The following MYO5A variants were observed in gnomAD, a reference collection of about 807,000 sequenced individuals.
MYO5A encodes the protein unconventional myosin-Va.
Under a neutral mutation model 249.7 loss-of-function variants are expected in MYO5A, and 98 were observed. The ratio of observed to expected loss-of-function variants is 0.39; its 90% CI spans 0.33 to 0.46. The LOEUF is 0.46. Among genes scored for constraint, MYO5A ranks in the 20% least tolerant of loss-of-function variants. The pLI, the probability that MYO5A is intolerant of heterozygous loss-of-function variation, is 0.98. For missense variants in MYO5A, 1,696 were observed against 2,308.8 expected (o/e 0.73, Z 5.44); for synonymous variants, 778 against 810.6 (o/e 0.96, Z 0.68).
intron 4 of MYO5A, among the ~76,000 whole-genome samples, chr15:52,422,605 A>G (rs1534200): frequency 0.39 from 59,772 of 152,068 alleles, 13,309 homozygotes; most frequent in East Asian, 0.7. Context: ...TACCACCTCC[A>G]CTAATTAAAT....
intron 4 of MYO5A, among the ~76,000 whole-genome samples, chr15:52,420,162 G>A (rs187156122): frequency 6.6e-6 from 1 of 152,130 alleles, no homozygotes; most frequent in East Asian, 1.9e-4. Context: ...AAAATTAGCT[G>A]GGCATCACTG....
chr15:52,394,792 T>C (rs1326618616), intron 11 of MYO5A, among the ~76,000 whole-genome samples: 1 of 152,134 alleles, frequency 6.6e-6, no homozygotes, highest in Non-Finnish European at 1.5e-5. Context: ...TGAAAGGCTG[T>C]GGCATTAACT....
At chr15:52,450,337 G>A (rs2075989088) in intron 1 of MYO5A, among the ~76,000 whole-genome samples, 1 of 151,602 alleles carries the variant, frequency 6.6e-6, no homozygotes, top group South Asian at 2.1e-4. Flanking sequence ...GTTGATATGT[G>A]ACCTATTCTC....
At chr15:52,316,910 T>G in intron 40 of MYO5A, 138 bp downstream of exon 40, 1 of 875,108 alleles carries the variant, frequency 1.1e-6, no homozygotes, top group Non-Finnish European at 1.8e-6. Context: ...GCTTTAAGAT[T>G]GGTAGAGGCA....
chr15:52,405,633 C>T (rs1367397604), intron 8 of MYO5A, among the ~76,000 whole-genome samples: 1 of 152,174 alleles, frequency 6.6e-6, no homozygotes, highest in East Asian at 1.9e-4. Context: ...CCTGGCTCTG[C>T]TATGGACCTA....
chr15:52,469,773 C>T (rs1173238279), intron 1 of MYO5A, among the ~76,000 whole-genome samples: 1 of 152,202 alleles, frequency 6.6e-6, no homozygotes, highest in Admixed American at 6.5e-5. Context: ...GCTAGATTGT[C>T]TAATGTCAAT....
At chr15:52,497,807 G>A (rs1171811535) in intron 1 of MYO5A, among the ~76,000 whole-genome samples, 1 of 149,020 alleles carries the variant, frequency 6.7e-6, no homozygotes, top group Admixed American at 6.7e-5. Context: ...AGGGCAGAAG[G>A]ATAACTTAAA....
At chr15:52,476,048 G>C (rs1256031767) in intron 1 of MYO5A, among the ~76,000 whole-genome samples, 1 of 152,068 alleles carries the variant, frequency 6.6e-6, no homozygotes, top group Non-Finnish European at 1.5e-5. Flanking sequence ...GGTCTCTAAG[G>C]ACTTGCTTTT....
chr15:52,349,973 C>T (rs1201460478), intron 28 of MYO5A, among the ~76,000 whole-genome samples: 5 of 152,234 alleles, frequency 3.3e-5, no homozygotes, highest in Admixed American at 2.0e-4. Context: ...CACTCTATCG[C>T]CCAGGCGGGA....
At chr15:52,481,475 GAC>G (rs1002990897) in intron 1 of MYO5A, among the ~76,000 whole-genome samples, 5 of 152,164 alleles carry the variant, frequency 3.3e-5, no homozygotes, top group African/African-American at 1.2e-4. Flanking sequence ...TGATGAGATG[GAC>G]ACACACAGAC....
intron 5 of MYO5A, among the ~76,000 whole-genome samples, chr15:52,412,713 A>ATATAT (rs1373075877): frequency 2.0e-5 from 3 of 152,212 alleles, no homozygotes; most frequent in Non-Finnish European, 4.4e-5. Flanking sequence ...ATTCACTTTA[A>ATATAT]TCAGCAAGAA....
chr15:52,504,696 T>C (rs988924661), intron 1 of MYO5A, among the ~76,000 whole-genome samples: 1 of 151,884 alleles, frequency 6.6e-6, no homozygotes, highest in Non-Finnish European at 1.5e-5. Flanking sequence ...GGTCAGGAGT[T>C]CAAGACCAGA....
In MYO5A at chr15:52,369,671, G is replaced by A. The variant is rs192010254; in HGVS notation, c.3066+498C>T. ...TCAGGTACTAAATATTATGTCTAAT[G>A]TTCCATTATTAGAACACTAAGCATG... On this transcript the variant is annotated intron_variant, in intron 22 of 41. Coordinates refer to ENST00000399233, the MANE Select transcript of MYO5A (RefSeq NM_001382347.1). Among the ~76,000 whole-genome samples, 9 of 152,108 alleles carry A rather than the reference G, an allele frequency of 5.9e-5. No individual in the cohort carries two copies. The East Asian group carries it at 1.2e-3, about 20-fold the overall frequency.
At chr15:52,378,414 G>C (rs770413074) in intron 18 of MYO5A, among the ~76,000 whole-genome samples, 3 of 150,432 alleles carry the variant, frequency 2.0e-5, no homozygotes, top group East Asian at 2.0e-4. Context: ...CCAGCTACTG[G>C]GGGGGCTGAG....
Position 52,330,515 on chromosome 15 carries a change from G to A in MYO5A, c.4409-16C>T, listed in dbSNP as rs781090725. 1 of 1,613,814 alleles carries A rather than the reference G, an allele frequency of 6.2e-7. No individual in the cohort carries two copies. Among genetic ancestry groups the A allele is most frequent in the African/African-American group, 1.3e-5 (1 of 75,016 alleles). On this transcript the variant is annotated splice_polypyrimidine_tract_variant and intron_variant, in intron 34 of 41. Coordinates refer to ENST00000399233, the MANE Select transcript of MYO5A (RefSeq NM_001382347.1). ...ATCTGGCCCACTTTATGAGAAGTAA[G>A]AAAGGAGGAGAAAATGTTTTCCATA...
At chr15:52,353,244 T>G (rs1168103436) in intron 27 of MYO5A, among the ~76,000 whole-genome samples, 2 of 152,190 alleles carry the variant, frequency 1.3e-5, no homozygotes, top group Non-Finnish European at 2.9e-5. Context: ...ATGTTTTTAT[T>G]CATTCATTAT....
At chr15:52,321,219 C>T (rs1247834413) in intron 38 of MYO5A, 140 bp downstream of exon 38, 24 of 1,073,000 alleles carry the variant, frequency 2.2e-5, no homozygotes, top group East Asian at 7.4e-5. Context: ...TGGGATTCCT[C>T]GGCTAATTTT....
chr15:52,407,284 G>A lies in MYO5A; in HGVS notation c.946+8C>T, dbSNP rs1370322615. The A allele has an allele frequency of 7.5e-6, 12 of 1,596,302 alleles. No individual in the cohort carries two copies. The highest frequency in any genetic ancestry group is 1.1e-5 in the South Asian group (1 of 90,738). ...CCTCTTAAGAGCTCAAGAATAAAGT[G>A]ACATTACCTAGCAAAGTGCAGGCCT... On this transcript the variant is annotated splice_region_variant and intron_variant, in intron 8 of 41. Transcript: ENST00000399233.
At chr15:52,498,198 T>A (rs962771196) in intron 1 of MYO5A, among the ~76,000 whole-genome samples, 11 of 152,204 alleles carry the variant, frequency 7.2e-5, no homozygotes, top group Non-Finnish European at 1.5e-4. Context: ...AAAACACTAG[T>A]TTGTACAGAT....
Sources: gnomAD v4.1 joint callset for allele counts (sites outside exome capture counted in the v4.1 genomes callset) on GRCh38, gnomAD v4.1.1 for gene constraint, MANE v1.5 for transcripts, NCBI Gene and HGNC (gene_info 2026-07-23, HGNC 2026-07-21) for gene names.